ERBB3: variants seen among roughly 807,000 people sequenced by gnomAD.
ERBB3 encodes the protein erb-b2 receptor tyrosine kinase 3.
Under a neutral mutation model 156.7 loss-of-function variants are expected in ERBB3, and 96 were observed. The observed-to-expected ratio is 0.61, with a 90% CI of 0.52 to 0.73. The LOEUF (loss-of-function observed/expected upper bound fraction) is 0.73, where lower values mean the gene tolerates loss of function less well. ERBB3 is among the 30% of genes least tolerant of loss of function. The pLI is 0.00. For synonymous variants in ERBB3, 567 were observed against 632.0 expected (o/e 0.90, Z 1.54); for missense variants, 1,406 against 1,709.4 (o/e 0.82, Z 3.13).
chr12:56,098,244 T>A (rs977228346), intron 21 of ERBB3: 83 of 414,060 alleles, frequency 2.0e-4, no homozygotes, highest in East Asian at 1.1e-3. Flanking sequence ...CTCTACTAAA[T>A]ATACAAAAAA....
rs1374668198 is a variant in ERBB3, at chr12:56,094,455, G to T, written c.1758G>T (p.Val586=). The part of the protein sequence containing the change: ...CAHFRDGPHC[V]SSCPHGVLGA... Reference sequence around the variant, plus strand: ...ATTTTCGAGATGGGCCCCACTGTGTGAGCAGCTGCCCCCATGGAGTCCTAG... The same window carrying T: ...ATTTTCGAGATGGGCCCCACTGTGTTAGCAGCTGCCCCCATGGAGTCCTAG... The change falls in exon 15 of 28, where the codon GTG becomes GTT. Residue 586 remains valine, a synonymous_variant. Transcript: ENST00000267101. 1 of 1,614,150 alleles carries T rather than the reference G, an allele frequency of 6.2e-7. No homozygotes were observed. Among genetic ancestry groups the T allele is most frequent in the African/African-American group, 1.3e-5 (1 of 75,016 alleles).
chr12:56,085,526 C>T, intron 3 of ERBB3: 1 of 1,042,644 alleles, frequency 9.6e-7, no homozygotes, highest in Non-Finnish European at 1.3e-6. Flanking sequence ...GGGCAGATCA[C>T]TTGAGATCAG....
intron 20 of ERBB3, among the ~76,000 whole-genome samples, 200 bp from the exon 21 acceptor site, chr12:56,097,582 CTGA>C (rs1333577227): frequency 1.3e-5 from 2 of 152,078 alleles, no homozygotes; most frequent in Non-Finnish European, 2.9e-5. Context: ...TAACTAATGC[CTGA>C]TGATCTGAGG....
intron 9 of ERBB3, 41 bp from the exon 10 acceptor site, chr12:56,092,706 A>G (rs766315268): frequency 7.0e-7 from 1 of 1,433,178 alleles, no homozygotes; most frequent in Non-Finnish European, 9.9e-7. Flanking sequence ...CCATTGAGTT[A>G]TACCTTTACC....
In ERBB3 at chr12:56,099,984, C is replaced by T. The variant is rs1321558038; in HGVS notation, c.3084C>T (p.Gly1028=). Reference sequence around the variant, plus strand: ...ACAACCTGGCAACCACCACACTGGGCTCCGCCCTCAGCCTACCAGTTGGAA... The same window carrying T: ...ACAACCTGGCAACCACCACACTGGGTTCCGCCCTCAGCCTACCAGTTGGAA... ...EEDNLATTTL[G]SALSLPVGTL... Residue 1028 remains glycine, a synonymous_variant, in exon 25 of 28, where the codon GGC becomes GGT. Transcript: ENST00000267101. 1.2e-6 allele frequency: 2 copies of T among 1,614,238 alleles called. No individual in the cohort carries two copies. Among genetic ancestry groups the T allele is most frequent in the Admixed American group, 1.7e-5 (1 of 60,028 alleles).
rs2136822225 is a variant in ERBB3, at chr12:56,098,766, A to T, written c.2700A>T (p.Thr900=). Residue 900 remains threonine, a synonymous_variant, in exon 23 of 28, where the codon ACA becomes ACT. Transcript: ENST00000267101. The part of the protein sequence containing the change: ...HQSDVWSYGV[T]VWELMTFGAE... ...CATGTCTTCCTGCAACAGGTGTGAC[A>T]GTTTGGGAGTTGATGACCTTCGGGG... 6.2e-7 allele frequency: 1 copy of T among 1,614,066 alleles called. No homozygotes were observed. Among genetic ancestry groups the T allele is most frequent in the Non-Finnish European group, 8.5e-7 (1 of 1,179,998 alleles).
Position 56,095,324 on chromosome 12 carries a change from G to A in ERBB3, c.1913+14G>A. On this transcript the variant is annotated intron_variant, in intron 16 of 27. Coordinates refer to ENST00000267101, the MANE Select transcript of ERBB3 (RefSeq NM_001982.4). ...GGTGCTGATCGGGTATGATGGGGTT[G>A]GAGATTCTGGAAACTGGGGATATTT... 6.2e-7 allele frequency: 1 copy of A among 1,608,798 alleles called. No homozygotes were observed. Among genetic ancestry groups the A allele is most frequent in the Non-Finnish European group, 8.5e-7 (1 of 1,175,210 alleles).
intron 22 of ERBB3, 70 bp downstream of exon 22, chr12:56,098,645 C>G (rs1460192691): frequency 1.3e-6 from 2 of 1,575,566 alleles, no homozygotes; most frequent in African/African-American, 2.7e-5. Flanking sequence ...GAGACCCCCT[C>G]TTAGAATCTC....
chr12:56,093,681 A>C, intron 12 of ERBB3, 83 bp from the exon 13 acceptor site: 6 of 1,591,162 alleles, frequency 3.8e-6, no homozygotes, highest in Non-Finnish European at 5.2e-6. Flanking sequence ...GTTAGGCTGG[A>C]AGCAGTAACG....
At chr12:56,089,338 C>G (rs1182048235) in intron 9 of ERBB3, among the ~76,000 whole-genome samples, 2 of 152,048 alleles carry the variant, frequency 1.3e-5, no homozygotes, top group Non-Finnish European at 2.9e-5. Flanking sequence ...CCAGGCTGAT[C>G]TCGAACTCCT....
chr12:56,093,963 C>T (rs770352348), intron 13 of ERBB3, 67 bp downstream of exon 13: 1 of 1,602,200 alleles, frequency 6.2e-7, no homozygotes, highest in South Asian at 1.1e-5. Flanking sequence ...GTTCAGGTGG[C>T]ATACAATAAA....
At chr12:56,081,563 C>T (rs1042691787) in intron 1 of ERBB3, among the ~76,000 whole-genome samples, 2 of 152,088 alleles carry the variant, frequency 1.3e-5, no homozygotes, top group South Asian at 4.1e-4. Flanking sequence ...TGGGGACTGG[C>T]GTGGGAGGGA....
At chr12:56,101,508 G>A (rs1405383452) in intron 27 of ERBB3, 21 bp from the exon 28 acceptor site, 1 of 1,612,356 alleles carries the variant, frequency 6.2e-7, no homozygotes, top group Non-Finnish European at 8.5e-7. Context: ...CACATACCTA[G>A]CCTTTCTTCT....
In ERBB3 at chr12:56,093,770, A is replaced by T; in HGVS notation, c.1487A>T (p.Glu496Val). Residue 496 changes from glutamate to valine, a missense_variant, in exon 13 of 28, where the codon GAG becomes GTG. By Grantham distance (121) the Glu-to-Val change is moderately radical (BLOSUM62 -2). This residue lies in a region of ERBB3 where 979 missense variants were observed against 1,219.6 expected (regional missense o/e 0.80). Coordinates refer to ENST00000267101, the MANE Select transcript of ERBB3 (RefSeq NM_001982.4). ...CCCACCCCTTCCTTTCCAGTGGCAG[A>T]GGGCAAAGTGTGTGACCCACTGTGC... ...HNRPRRDCVA[E>V]GKVCDPLCSS... is the part of the protein sequence containing the mutation. 6.2e-7 allele frequency: 1 copy of T among 1,614,080 alleles called. No homozygotes were observed. Among genetic ancestry groups the T allele is most frequent in the Non-Finnish European group, 8.5e-7 (1 of 1,180,002 alleles).
rs150262923 is a variant in ERBB3 at position 56,095,308 on chromosome 12, C to G, written c.1911C>G (p.Ile637Met). 6.2e-7 allele frequency: 1 copy of G among 1,612,908 alleles called. No homozygotes were observed. Among genetic ancestry groups the G allele is most frequent in the East Asian group, 2.2e-5 (1 of 44,882 alleles). ...QDCLGQTLVL[I>M]GKTHLTMALT... Reference sequence around the variant, plus strand: ...GTTTAGGACAAACACTGGTGCTGATCGGGTATGATGGGGTTGGAGATTCTG... The same window carrying G: ...GTTTAGGACAAACACTGGTGCTGATGGGGTATGATGGGGTTGGAGATTCTG... The change falls in exon 16 of 28, where the codon ATC becomes ATG. Residue 637 changes from isoleucine to methionine, a missense_variant and splice_region_variant. Ile to Met is a conservative substitution (Grantham distance 10). Coordinates refer to ENST00000267101, the MANE Select transcript of ERBB3 (RefSeq NM_001982.4).
intron 26 of ERBB3, 198 bp downstream of exon 26, chr12:56,100,443 A>G (rs539455222): frequency 1.6e-6 from 1 of 609,012 alleles, no homozygotes; most frequent in East Asian, 3.0e-5. Flanking sequence ...GGAGTTTGAG[A>G]CCAGCCTGGC....
rs1342896214 is a variant in ERBB3, at chr12:56,087,799, C to T, written c.618C>T (p.Thr206=). The stretch of plus-strand genomic sequence containing the variant: ...ATGCTTTCTCTCCTTCCATAGTGAC[C>T]AAGACCATCTGTGCTCCTCAGTGTA... ...GPGSEDCQTL[T]KTICAPQCNG... Residue 206 remains threonine (T), a synonymous_variant, in exon 6 of 28, where the codon ACC becomes ACT. Coordinates refer to ENST00000267101, the MANE Select transcript of ERBB3 (RefSeq NM_001982.4). 2 of 1,613,476 alleles carry T rather than the reference C, an allele frequency of 1.2e-6. No individual in the cohort carries two copies. The highest frequency in any genetic ancestry group is 1.7e-5 in the Admixed American group (1 of 60,006).
At chr12:56,101,457 A>G (rs1412048975) in intron 27 of ERBB3, 72 bp from the exon 28 acceptor site, 1 of 1,595,276 alleles carries the variant, frequency 6.3e-7, no homozygotes, top group Admixed American at 1.7e-5. Context: ...TCTCTGTCCT[A>G]TTAATTTTTT....
intron 10 of ERBB3, 27 bp from the exon 11 acceptor site, chr12:56,092,959 C>T (rs994300322): frequency 1.9e-6 from 3 of 1,588,788 alleles, no homozygotes; most frequent in Non-Finnish European, 2.6e-6. Context: ...AGGCTCCCTG[C>T]CCATATGCCT....
Sources: gnomAD v4.1 joint callset for allele counts (sites outside exome capture counted in the v4.1 genomes callset) on GRCh38, gnomAD v4.1.1 for gene constraint, gnomAD v4.1.1 regional missense constraint, MANE v1.5 for transcripts, NCBI Gene and HGNC (gene_info 2026-07-23, HGNC 2026-07-21) for gene names.